The following SSH2 variants were observed in gnomAD, a reference collection of about 807,000 sequenced individuals.
SSH2 encodes the protein protein phosphatase Slingshot homolog 2.
A neutral mutation model predicts 135.2 loss-of-function variants in SSH2; 37 were observed. The ratio of observed to expected loss-of-function variants is 0.27; its 90% CI spans 0.21 to 0.36. The LOEUF is 0.36. Ranked by LOEUF, SSH2 falls within the 10% of genes least tolerant of loss-of-function variation. The probability of loss-of-function intolerance (pLI) is 1.00; values close to 1 mark genes in which losing one functional copy is unlikely to be tolerated. For synonymous variants in SSH2, 628 were observed against 646.2 expected (o/e 0.97, Z 0.43); for missense variants, 1,408 against 1,765.3 (o/e 0.80, Z 3.63).
chr17:29,924,578 G>C (rs1282169022), intron 1 of SSH2, among the ~76,000 whole-genome samples: 2 of 151,936 alleles, frequency 1.3e-5, no homozygotes, highest in African/African-American at 4.8e-5. Context: ...AGGGCTATCT[G>C]TCCCTATATT....
At chr17:29,826,782 T>A (rs1401287373) in intron 2 of SSH2, among the ~76,000 whole-genome samples, 3 of 152,144 alleles carry the variant, frequency 2.0e-5, no homozygotes, top group Non-Finnish European at 2.9e-5. Flanking sequence ...GCCACCATAA[T>A]ATCCAGGGAA....
At chr17:29,666,282 G>A (rs1390080229) in intron 11 of SSH2, among the ~76,000 whole-genome samples, 2 of 152,160 alleles carry the variant, frequency 1.3e-5, no homozygotes, top group Admixed American at 6.5e-5. Flanking sequence ...GCTGAGAAGG[G>A]AGAATCACTT....
rs1257816010 is a variant in SSH2 at position 29,631,840 on chromosome 17, G to A, written c.3354C>T (p.Asp1118=). The A allele has an allele frequency of 6.2e-7, 1 of 1,614,110 alleles. No individual in the cohort carries two copies. The highest frequency in any genetic ancestry group is 8.5e-7 in the Non-Finnish European group (1 of 1,180,058). ...GGCTACTCAGGATGGAGGTTGGATG[G>A]TCAGTGGGTCTGTTGTGCTCAGGGG... ...SSSPEHNRPT[D]HPTSILSSPE... Residue 1118 remains aspartate, a synonymous_variant, in exon 16 of 16, where the codon GAC becomes GAT. Transcript: ENST00000540801.
chr17:29,890,450 T>C (rs918810351), intron 1 of SSH2, among the ~76,000 whole-genome samples: 6 of 152,172 alleles, frequency 3.9e-5, no homozygotes, highest in African/African-American at 1.2e-4. Flanking sequence ...ACTATTATTA[T>C]TTGGCCATAA....
intron 1 of SSH2, among the ~76,000 whole-genome samples, chr17:29,853,353 G>A (rs2065601801): frequency 6.6e-6 from 1 of 151,608 alleles, no homozygotes; most frequent in African/African-American, 2.4e-5. Flanking sequence ...CCAAAGTGCT[G>A]GGATTACAGG....
chr17:29,696,852 T>G (rs1470614810), intron 4 of SSH2, among the ~76,000 whole-genome samples: 1 of 151,388 alleles, frequency 6.6e-6, no homozygotes, highest in Non-Finnish European at 1.5e-5. Flanking sequence ...GCCCGGCTAA[T>G]TTTTTGTATT....
intron 1 of SSH2, among the ~76,000 whole-genome samples, chr17:29,899,368 GTCTAGAAA>G (rs1405325477): frequency 3.3e-5 from 5 of 151,968 alleles, no homozygotes; most frequent in African/African-American, 1.2e-4. Context: ...ATGATTGTAT[GTCTAGAAA>G]ACCCCATCGT....
chr17:29,817,406 G>A (rs2042577082), intron 2 of SSH2, among the ~76,000 whole-genome samples: 1 of 152,094 alleles, frequency 6.6e-6, no homozygotes, highest in Non-Finnish European at 1.5e-5. Flanking sequence ...ACACTTTATT[G>A]ATGCATCTTA....
chr17:29,636,619 A>G lies in SSH2; in HGVS notation c.1611T>C (p.His537=). The G allele has an allele frequency of 1.9e-6, 3 of 1,614,138 alleles. No homozygotes were observed. The highest frequency in any genetic ancestry group is 2.5e-6 in the Non-Finnish European group (3 of 1,180,022). The change falls in exon 15 of 16, where the codon CAT becomes CAC. Residue 537 remains histidine (H), a synonymous_variant. Transcript: ENST00000540801. ...TCTGATTTGCATCTTGTGGGACCATATGTTCCACAAAGACAGGAGGTATGG... is the reference window on the plus strand; with the variant it reads ...TCTGATTTGCATCTTGTGGGACCATGTGTTCCACAAAGACAGGAGGTATGG... ...HPPIPPVFVE[H]MVPQDANQKG... is the part of the protein sequence containing the mutation.
intron 3 of SSH2, among the ~76,000 whole-genome samples, chr17:29,746,865 G>A (rs1048661513): frequency 4.6e-5 from 7 of 152,188 alleles, no homozygotes; most frequent in African/African-American, 1.4e-4. Flanking sequence ...TCATAAACCT[G>A]ACCAGCTTTT....
intron 1 of SSH2, among the ~76,000 whole-genome samples, chr17:29,915,668 A>G (rs552704875): frequency 6.6e-6 from 1 of 152,308 alleles, no homozygotes; most frequent in Non-Finnish European, 1.5e-5. Flanking sequence ...AATTTTAAAG[A>G]TTACAGTTGG....
intron 1 of SSH2, among the ~76,000 whole-genome samples, chr17:29,912,172 T>G (rs2066777233): frequency 6.6e-6 from 1 of 152,174 alleles, no homozygotes; most frequent in African/African-American, 2.4e-5. Flanking sequence ...GCAACAAATA[T>G]GGATGTACTG....
chr17:29,871,806 T>C (rs2065940322), intron 1 of SSH2, among the ~76,000 whole-genome samples: 2 of 152,186 alleles, frequency 1.3e-5, no homozygotes, highest in African/African-American at 4.8e-5. Context: ...TAATATGACA[T>C]TGTGTCAAAA....
At chr17:29,698,393 G>T (rs2038847033) in intron 4 of SSH2, among the ~76,000 whole-genome samples, 1 of 152,128 alleles carries the variant, frequency 6.6e-6, no homozygotes. Context: ...AAAAATAAAA[G>T]AACAAGTATG....
chr17:29,904,336 G>GT (rs1357859151), intron 1 of SSH2, among the ~76,000 whole-genome samples: 1 of 152,148 alleles, frequency 6.6e-6, no homozygotes, highest in Non-Finnish European at 1.5e-5. Flanking sequence ...GGGATGCAAG[G>GT]TTGGTTCAAC....
intron 9 of SSH2, among the ~76,000 whole-genome samples, 178 bp downstream of exon 9, chr17:29,671,757 T>G (rs1431892699): frequency 6.6e-6 from 1 of 152,224 alleles, no homozygotes; most frequent in African/African-American, 2.4e-5. Context: ...CTCAGGCCTT[T>G]GCAGGCAACA....
chr17:29,655,165 G>A (rs564643641), intron 12 of SSH2, among the ~76,000 whole-genome samples: 5 of 151,920 alleles, frequency 3.3e-5, no homozygotes, highest in Admixed American at 6.6e-5. Flanking sequence ...GTGCAGTGGC[G>A]TGATCTTGGC....
At chr17:29,817,628 A>G (rs1469529057) in intron 2 of SSH2, among the ~76,000 whole-genome samples, 1 of 152,222 alleles carries the variant, frequency 6.6e-6, no homozygotes, top group African/African-American at 2.4e-5. Flanking sequence ...ATACAGAGTC[A>G]TCCCTCCATA....
At chr17:29,659,685 G>A (rs1319132540) in intron 11 of SSH2, among the ~76,000 whole-genome samples, 2 of 151,758 alleles carry the variant, frequency 1.3e-5, no homozygotes, top group African/African-American at 2.4e-5. Context: ...CACCATGCCC[G>A]GCTAATTTTG....
Sources: gnomAD v4.1 joint callset for allele counts (sites outside exome capture counted in the v4.1 genomes callset) on GRCh38, gnomAD v4.1.1 for gene constraint, MANE v1.5 for transcripts, NCBI Gene and HGNC (gene_info 2026-07-23, HGNC 2026-07-21) for gene names.